SLAMF1: variants seen among roughly 807,000 people sequenced by gnomAD.
SLAMF1 encodes signaling lymphocytic activation molecule family member 1.
A neutral mutation model predicts 35.1 loss-of-function variants in SLAMF1; 18 were observed. That is an observed-to-expected ratio of 0.51 (90% CI 0.35 to 0.76). SLAMF1 has a LOEUF of 0.76. Among genes scored for constraint, SLAMF1 ranks in the 30% least tolerant of loss-of-function variants. The pLI is 0.01. For missense variants in SLAMF1, 392 were observed against 413.0 expected, an observed-to-expected ratio of 0.95 and a Z score of 0.44; for synonymous variants, 168 against 157.2, an observed-to-expected ratio of 1.07 and a Z score of -0.51.
Position 160,612,591 on chromosome 1 carries a change from A to AG in SLAMF1, c.865-12dup. On this transcript the variant is annotated splice_polypyrimidine_tract_variant and intron_variant, in intron 5 of 6. Coordinates refer to ENST00000302035, the MANE Select transcript of SLAMF1 (RefSeq NM_003037.5). ...TTTCTTCTGAAGAGGCTACAAGAGA[A>AG]GCAAAGAAAGCAGATTAGCTGAACA... 6.5e-7 allele frequency: 1 copy of AG among 1,544,388 alleles called. No homozygotes were observed. Among genetic ancestry groups the AG allele is most frequent in the East Asian group, 2.3e-5 (1 of 44,396 alleles).
intron 5 of SLAMF1, among the ~76,000 whole-genome samples, chr1:160,618,644 C>T (rs928311399): frequency 2.0e-5 from 3 of 152,118 alleles, no homozygotes; most frequent in African/African-American, 7.2e-5. Context: ...GAGGACAGTC[C>T]TGAACTGATG....
intron 1 of SLAMF1, among the ~76,000 whole-genome samples, chr1:160,646,438 GCATGTGCAC>G (rs1661043952): frequency 6.6e-6 from 1 of 152,202 alleles, no homozygotes; most frequent in African/African-American, 2.4e-5. Context: ...TTGTCAGCCT[GCATGTGCAC>G]AGATTCCCTC....
intron 3 of SLAMF1, 141 bp downstream of exon 3, chr1:160,634,472 A>G (rs1660321022): frequency 4.3e-6 from 6 of 1,402,572 alleles, no homozygotes; most frequent in African/African-American, 1.4e-5. Flanking sequence ...CTAAATGCAC[A>G]TGGTAAACTT....
intron 3 of SLAMF1, among the ~76,000 whole-genome samples, chr1:160,631,613 G>A (rs930977705): frequency 8.6e-5 from 13 of 151,998 alleles, no homozygotes; most frequent in African/African-American, 3.1e-4. Flanking sequence ...TAACCTAACT[G>A]GTGTCCTTAT....
chr1:160,626,263 C>T (rs1337620935), intron 3 of SLAMF1, among the ~76,000 whole-genome samples: 2 of 152,206 alleles, frequency 1.3e-5, no homozygotes, highest in Non-Finnish European at 2.9e-5. Context: ...AGCCTCCTCT[C>T]CCTCGCGCCC....
intron 4 of SLAMF1, among the ~76,000 whole-genome samples, chr1:160,621,498 G>T (rs575846599): frequency 2.1e-5 from 3 of 142,166 alleles, no homozygotes; most frequent in Admixed American, 7.4e-5. Flanking sequence ...GACAGAGGTT[G>T]CAGTGAGCCG....
intron 1 of SLAMF1, among the ~76,000 whole-genome samples, chr1:160,638,253 C>G (rs1660556875): frequency 1.3e-5 from 2 of 152,012 alleles, no homozygotes; most frequent in South Asian, 4.1e-4. Context: ...ACCTGCCTTT[C>G]CCCCTCCTCT....
rs142014204 is a variant in SLAMF1, at chr1:160,637,523, C to T, written c.83G>A (p.Arg28His). ...AFGASYGTGG[R>H]MMNCPKILRQ... is the part of the protein sequence containing the mutation. ...GAGAATCTTTGGGCAGTTCATCATG[C>T]GCCCACCTGTGGGAGGGAGGAGAAG... The change falls in exon 2 of 7, where the codon CGC (arginine) becomes CAC (histidine). Residue 28 changes from arginine to histidine, a missense_variant. By Grantham distance (29) the Arg-to-His change is conservative. Transcript: ENST00000302035. 2.7e-5 allele frequency: 44 copies of T among 1,607,748 alleles called. No individual in the cohort carries two copies. Among genetic ancestry groups the T allele is most frequent in the Admixed American group, 8.3e-5 (5 of 59,956 alleles).
chr1:160,641,313 C>T lies in SLAMF1; in HGVS notation c.77-3784G>A, dbSNP rs543556228. Among the ~76,000 whole-genome samples the T allele has an allele frequency of 3.3e-5, 5 of 152,092 alleles. No homozygotes were observed. In the South Asian group the frequency reaches 8.3e-4, roughly 25 times the overall value. On this transcript the variant is annotated intron_variant, in intron 1 of 6. Transcript: ENST00000302035. ...AGAATAAAAAATCCCATTTTCAGGCCATAACCCATCGCCACCACTCCCCAA... is the reference window on the plus strand; with the variant it reads ...AGAATAAAAAATCCCATTTTCAGGCTATAACCCATCGCCACCACTCCCCAA...
At chr1:160,643,441 G>A (rs529217113) in intron 1 of SLAMF1, among the ~76,000 whole-genome samples, 1 of 152,250 alleles carries the variant, frequency 6.6e-6, no homozygotes, top group South Asian at 2.1e-4. Context: ...ATAACCATTT[G>A]CTCCTCTCGG....
rs79040322 is a variant in SLAMF1 at position 160,637,079 on chromosome 1, A to T, written c.415+112T>A. On this transcript the variant is annotated intron_variant, in intron 2 of 6. Coordinates refer to ENST00000302035, the MANE Select transcript of SLAMF1 (RefSeq NM_003037.5). Reference sequence around the variant, plus strand: ...TTAAATACCCCCAAACTAGAAGATCATTCTAGTTACTTCCAATTCTGAATA... The same window carrying T: ...TTAAATACCCCCAAACTAGAAGATCTTTCTAGTTACTTCCAATTCTGAATA... The T allele has an allele frequency of 4.1e-3, 2,884 of 697,196 alleles. 46 individuals carry two copies. Among genetic ancestry groups the T allele is most frequent in the East Asian group, 0.037 (1,433 of 38,748 alleles). 43.2% of individuals were successfully genotyped at this position (697,196 alleles called of 1,614,324 possible).
chr1:160,630,421 C>T (rs995033474), intron 3 of SLAMF1, among the ~76,000 whole-genome samples: 1 of 152,220 alleles, frequency 6.6e-6, no homozygotes, highest in African/African-American at 2.4e-5. Context: ...AGATTCAGTG[C>T]TCACATCACA....
intron 4 of SLAMF1, among the ~76,000 whole-genome samples, chr1:160,621,642 G>C (rs892439541): frequency 6.6e-6 from 1 of 151,214 alleles, no homozygotes; most frequent in African/African-American, 2.4e-5. Context: ...GAAGGGAAAG[G>C]CCCAGTGTGT....
chr1:160,640,325 C>CACATATATATATATATAT (rs1303073948), intron 1 of SLAMF1, among the ~76,000 whole-genome samples: 1 of 94,158 alleles, frequency 1.1e-5, no homozygotes, highest in African/African-American at 4.2e-5. Flanking sequence ...TTAGGTTTGT[C>CACATATATATATATATAT]ATATATATAT....
intron 1 of SLAMF1, among the ~76,000 whole-genome samples, chr1:160,643,520 G>A (rs1660869493): frequency 6.6e-6 from 1 of 152,074 alleles, no homozygotes; most frequent in African/African-American, 2.4e-5. Context: ...TAATTCTTAT[G>A]GTATGAAAAA....
intron 2 of SLAMF1, among the ~76,000 whole-genome samples, chr1:160,635,300 C>T (rs1660380888): frequency 6.6e-6 from 1 of 152,050 alleles, no homozygotes; most frequent in African/African-American, 2.4e-5. Context: ...GGTGGGATTT[C>T]ATCTATCGTG....
chr1:160,616,731 A>G (rs1659319771), intron 5 of SLAMF1, among the ~76,000 whole-genome samples: 1 of 152,252 alleles, frequency 6.6e-6, no homozygotes, highest in African/African-American at 2.4e-5. Context: ...GAATTTTAAT[A>G]TGGCCAATAA....
intron 1 of SLAMF1, among the ~76,000 whole-genome samples, chr1:160,640,891 T>C (rs746505108): frequency 1.3e-5 from 2 of 152,186 alleles, no homozygotes; most frequent in Non-Finnish European, 2.9e-5. Flanking sequence ...AGGAACATTA[T>C]AGTTATTGTG....
chr1:160,618,100 C>G (rs529400165), intron 5 of SLAMF1, among the ~76,000 whole-genome samples: 2 of 151,914 alleles, frequency 1.3e-5, no homozygotes, highest in South Asian at 4.2e-4. Context: ...ACAAAAAACA[C>G]GCAACACTGA....
Sources: gnomAD v4.1 joint callset for allele counts (sites outside exome capture counted in the v4.1 genomes callset) on GRCh38, gnomAD v4.1.1 for gene constraint, MANE v1.5 for transcripts, NCBI Gene and HGNC (gene_info 2026-07-23, HGNC 2026-07-21) for gene names.